CIT: variants seen among roughly 807,000 people sequenced by gnomAD.
The protein encoded by CIT is citron rho-interacting serine/threonine kinase.
Under a neutral mutation model 272.7 loss-of-function variants are expected in CIT, and 79 were observed. The observed-to-expected ratio is 0.29, with a 90% confidence interval of 0.24 to 0.35. The LOEUF is 0.35. Ranked by LOEUF, CIT falls within the 10% of genes least tolerant of loss-of-function variation. The pLI, the probability that CIT is intolerant of heterozygous loss-of-function variation, is 1.00. For synonymous variants in CIT, 948 were observed against 995.6 expected, an observed-to-expected ratio of 0.95 and a Z score of 0.90; for missense variants, 1,909 against 2,618.3, an observed-to-expected ratio of 0.73 and a Z score of 5.91.
rs7300583 is a variant in CIT at position 119,690,769 on chromosome 12, C to T, written c.5883-315G>A. ...TCTCATTAAATCATCACAGCAGCTC[C>T]TGAGCTATGAACAAGCATGACCCTC... On this transcript the variant is annotated intron_variant, in intron 46 of 47. Transcript: ENST00000392521. The surrounding 1 kb of genome is among the most constrained non-coding windows in gnomAD (Gnocchi z 6.0). 0.066 allele frequency among the ~76,000 whole-genome samples: 10,071 copies of T among 152,262 alleles called. 1,048 individuals are homozygous for T. Among genetic ancestry groups the T allele is most frequent in the African/African-American group, 0.23 (9,540 of 41,510 alleles).
chr12:119,739,674 G>A lies in CIT; in HGVS notation c.2958+2737C>T, dbSNP rs116092447. On this transcript the variant is annotated intron_variant, in intron 24 of 47. Transcript: ENST00000392521. ...ATAAGCCCAGGAGAATAAAATAATA[G>A]TAGTAACCAATGTTGTTTAGTACTT... Among the ~76,000 whole-genome samples the A allele has an allele frequency of 7.9e-4, 120 of 152,294 alleles. 1 individual carries two copies. The highest frequency in any genetic ancestry group is 2.7e-3 in the African/African-American group (112 of 41,554).
At chr12:119,717,812 T>C (rs1342071716) in intron 32 of CIT, among the ~76,000 whole-genome samples, 1 of 148,554 alleles carries the variant, frequency 6.7e-6, no homozygotes, top group Non-Finnish European at 1.5e-5. Flanking sequence ...ACACTGAGGA[T>C]GGGGAGCCAG....
rs780026255 is a variant in CIT, at chr12:119,697,955, G to A, written c.5702+21C>T. The A allele has an allele frequency of 5.9e-5, 95 of 1,613,650 alleles. No individual in the cohort carries two copies. Among genetic ancestry groups the A allele is most frequent in the Middle Eastern group, 1.6e-4 (1 of 6,084 alleles). ...TACCCCAATAGCTGAAGTTTTCCAC[G>A]CATGGGAGGACAATGCTTACCCTGC... On this transcript the variant is annotated intron_variant, in intron 45 of 47. Coordinates refer to ENST00000392521, the MANE Select transcript of CIT (RefSeq NM_001206999.2). The surrounding 1 kb of genome is among the most constrained non-coding windows in gnomAD (Gnocchi z 4.9).
chr12:119,702,632 G>T (rs963377530), intron 41 of CIT, among the ~76,000 whole-genome samples: 1 of 151,992 alleles, frequency 6.6e-6, no homozygotes, highest in Non-Finnish European at 1.5e-5. Flanking sequence ...GGTTGCAGTG[G>T]GCTGAGATAG....
chr12:119,697,881 C>T lies in CIT; in HGVS notation c.5703-43G>A. ...TCCAGTTACCTTCATTGCAGGCTAC[C>T]TCCATTGCTAGGCAAGTTAGGAAGG... On this transcript the variant is annotated intron_variant, in intron 45 of 47. Coordinates refer to ENST00000392521, the MANE Select transcript of CIT (RefSeq NM_001206999.2). This position sits in a 1 kb window ranked among gnomAD's most constrained non-coding sequence, Gnocchi z 4.9. 6.2e-7 allele frequency: 1 copy of T among 1,613,214 alleles called. No homozygotes were observed. Among genetic ancestry groups the T allele is most frequent in the African/African-American group, 1.3e-5 (1 of 75,030 alleles).
chr12:119,858,572 G>A (rs538036237), intron 3 of CIT, among the ~76,000 whole-genome samples: 4 of 151,240 alleles, frequency 2.6e-5, no homozygotes, highest in Non-Finnish European at 2.9e-5. Flanking sequence ...TGTAATCCCA[G>A]CACTTTGGGA....
chr12:119,817,404 C>T (rs779052396), intron 9 of CIT, among the ~76,000 whole-genome samples: 6 of 151,846 alleles, frequency 4.0e-5, no homozygotes, highest in Admixed American at 1.3e-4. Context: ...CCCAGCTACT[C>T]GGGAGGCTGA....
chr12:119,824,056 A>AAAC (rs1967953638), intron 8 of CIT, among the ~76,000 whole-genome samples: 1 of 148,486 alleles, frequency 6.7e-6, no homozygotes, highest in African/African-American at 2.5e-5. Flanking sequence ...AAAAAAAAAA[A>AAAC]AAAATAGGCT....
intron 37 of CIT, chr12:119,711,210 GA>G: frequency 1.4e-6 from 1 of 738,044 alleles, no homozygotes; most frequent in Non-Finnish European, 2.1e-6. Flanking sequence ...TTGTGGTTAA[GA>G]ATCTGCCAAT....
rs770837694 is a variant in CIT at position 119,839,155 on chromosome 12, G to A, written c.517-4927C>T. On this transcript the variant is annotated intron_variant, in intron 5 of 47. Transcript: ENST00000392521. Reference sequence around the variant, plus strand: ...AGCGGCTGCTTCTCTGTTGGTGTTTGCATCCATACCCCAGTACCAGGAAGG... The same window carrying A: ...AGCGGCTGCTTCTCTGTTGGTGTTTACATCCATACCCCAGTACCAGGAAGG... Among the ~76,000 whole-genome samples the A allele has an allele frequency of 9.2e-5, 14 of 152,320 alleles. No individual in the cohort carries two copies. In the East Asian group the frequency reaches 2.1e-3, roughly 23 times the overall value.
In CIT at chr12:119,728,141, T is replaced by G. The variant is rs1403181881; in HGVS notation, c.3591+361A>C. 3.3e-5 allele frequency among the ~76,000 whole-genome samples: 5 copies of G among 151,906 alleles called. No individual in the cohort carries two copies. In the East Asian group the frequency reaches 9.7e-4, roughly 29 times the overall value. On this transcript the variant is annotated intron_variant, in intron 28 of 47. Transcript: ENST00000392521. This position sits in a 1 kb window ranked among gnomAD's most constrained non-coding sequence, Gnocchi z 4.3. Reference sequence around the variant, plus strand: ...GGTGGGGAGGGATGAACAGGCAGAGTACAGAGGGTTTTTAGGGCAGTGAAA... The same window carrying G: ...GGTGGGGAGGGATGAACAGGCAGAGGACAGAGGGTTTTTAGGGCAGTGAAA...
At chr12:119,827,726 G>A (rs1035043961) in intron 7 of CIT, among the ~76,000 whole-genome samples, 6 of 152,072 alleles carry the variant, frequency 3.9e-5, no homozygotes, top group African/African-American at 1.2e-4. Flanking sequence ...TGTGAGCCAC[G>A]GAGCCTGGCC....
chr12:119,770,881 T>G lies in CIT; in HGVS notation c.2112A>C (p.Val704=). The G allele has an allele frequency of 6.2e-7, 1 of 1,612,882 alleles. No homozygotes were observed. The highest frequency in any genetic ancestry group is 8.5e-7 in the Non-Finnish European group (1 of 1,179,874). The part of the protein sequence containing the change: ...EERRHSLENK[V]KRLETMERRE... ...TACGCTCCATGGTCTCTAGTCTCTT[T>G]ACCTTGTTCTCCAGAGAATGGCGGC... The change falls in exon 18 of 48, where the codon GTA becomes GTC. Residue 704 remains valine, a synonymous_variant. Transcript: ENST00000392521. This position sits in a 1 kb window ranked among gnomAD's most constrained non-coding sequence, Gnocchi z 4.4.
chr12:119,824,062 A>G (rs1967954510), intron 8 of CIT, among the ~76,000 whole-genome samples: 1 of 145,594 alleles, frequency 6.9e-6, no homozygotes, highest in African/African-American at 2.5e-5. Flanking sequence ...AAAAAAAAAT[A>G]GGCTTAATGT....
chr12:119,795,706 C>T (rs1965678199), intron 10 of CIT, among the ~76,000 whole-genome samples: 1 of 152,140 alleles, frequency 6.6e-6, no homozygotes, highest in Non-Finnish European at 1.5e-5. Flanking sequence ...GATATTGCTC[C>T]AAGTCTTAGA....
rs558170014 is a variant in CIT at position 119,711,778 on chromosome 12, T to C, written c.4854+400A>G. On this transcript the variant is annotated intron_variant, in intron 37 of 47. Transcript: ENST00000392521. ...AATCCGCCGGCCTCAGCCTCCCTAC[T>C]AGCTGGAACTACAGGTGCATGTCAC... is the stretch of plus-strand genomic sequence containing the variant. 3.3e-5 allele frequency among the ~76,000 whole-genome samples: 5 copies of C among 152,316 alleles called. No individual in the cohort carries two copies. In the East Asian group the frequency reaches 9.6e-4, roughly 29 times the overall value.
intron 5 of CIT, among the ~76,000 whole-genome samples, chr12:119,842,133 G>A (rs947958436): frequency 6.6e-6 from 1 of 152,126 alleles, no homozygotes; most frequent in African/African-American, 2.4e-5. Flanking sequence ...ACTCACGCCT[G>A]TAATCCCAAC....
At chr12:119,701,590 A>G (rs1369981386) in intron 43 of CIT, 34 bp downstream of exon 43, 3 of 1,607,404 alleles carry the variant, frequency 1.9e-6, no homozygotes, top group Non-Finnish European at 2.5e-6. Context: ...GTCCATGAGG[A>G]CCCAAAAGGG....
Position 119,803,484 on chromosome 12 carries a change from GCTGGCGATGGCA to G in CIT, c.1112-107_1112-96del, listed in dbSNP as rs1966385063. The G allele has an allele frequency of 4.6e-6, 4 of 869,932 alleles. No homozygotes were observed. In the South Asian group the frequency reaches 7.1e-5, roughly 15 times the overall value. The allele number at this position is 869,932 out of a possible 1,614,324, so 53.9% of individuals were successfully genotyped here. ...GAGAAGATCGTCTTACTCCTTCGGC[GCTGGCGATGGCA>G]CTGCAGCGCCTGCTTTCAATCTAGC... On this transcript the variant is annotated intron_variant, in intron 9 of 47. Coordinates refer to ENST00000392521, the MANE Select transcript of CIT (RefSeq NM_001206999.2).
Sources: gnomAD v4.1 joint callset for allele counts (sites outside exome capture counted in the v4.1 genomes callset) on GRCh38, gnomAD v4.1.1 for gene constraint, Gnocchi (gnomAD v3.1) non-coding constraint, MANE v1.5 for transcripts, NCBI Gene and HGNC (gene_info 2026-07-23, HGNC 2026-07-21) for gene names.